The following RIT2 variants were observed in gnomAD, a reference collection of about 807,000 sequenced individuals.
RIT2 encodes GTP-binding protein Rit2.
RIT2 carries 24 observed loss-of-function variants against 23.7 expected under a neutral mutation model. The ratio of observed to expected loss-of-function variants is 1.01; its 90% CI spans 0.73 to 1.43. The LOEUF is 1.43. Ranked by LOEUF, RIT2 falls within the 40% of genes most tolerant of loss-of-function variation. The probability of loss-of-function intolerance (pLI) is 0.00; values close to 1 mark genes in which losing one functional copy is unlikely to be tolerated. For synonymous variants in RIT2, 107 were observed against 91.1 expected (o/e 1.17, Z -0.99); for missense variants, 236 against 266.9 (o/e 0.88, Z 0.81).
chr18:42,800,853 ACT>A (rs1167756035), intron 4 of RIT2, among the ~76,000 whole-genome samples: 1 of 149,646 alleles, frequency 6.7e-6, no homozygotes, highest in Non-Finnish European at 1.5e-5. Context: ...TCTCCTCCAA[ACT>A]CTCTTATGTT....
At chr18:43,054,989 G>A (rs1016278617) in intron 1 of RIT2, among the ~76,000 whole-genome samples, 8 of 151,976 alleles carry the variant, frequency 5.3e-5, no homozygotes, top group East Asian at 1.9e-4. Context: ...GATTCACCTC[G>A]GTTACTGTTA....
At chr18:43,060,911 A>G (rs191297486) in intron 1 of RIT2, among the ~76,000 whole-genome samples, 1 of 152,250 alleles carries the variant, frequency 6.6e-6, no homozygotes, top group Admixed American at 6.5e-5. Context: ...AGTACAGTAG[A>G]GAGCAGATAC....
intron 4 of RIT2, among the ~76,000 whole-genome samples, chr18:42,889,123 T>C (rs1426526822): frequency 6.6e-6 from 1 of 151,668 alleles, no homozygotes; most frequent in African/African-American, 2.4e-5. Context: ...CATTTTAGTA[T>C]AATGGACAAT....
At chr18:42,773,946 G>C (rs963364705) in intron 4 of RIT2, among the ~76,000 whole-genome samples, 1 of 151,998 alleles carries the variant, frequency 6.6e-6, no homozygotes, top group Non-Finnish European at 1.5e-5. Context: ...CATTTACTTG[G>C]TTTTCCTCTA....
chr18:42,910,097 T>C (rs993333179), intron 4 of RIT2, among the ~76,000 whole-genome samples: 1 of 152,050 alleles, frequency 6.6e-6, no homozygotes, highest in Non-Finnish European at 1.5e-5. Context: ...ACAGCTATAA[T>C]GAAAAACATA....
rs540316782 is a variant in RIT2, at chr18:42,962,088, G to A, written c.234+11986C>T. On this transcript the variant is annotated intron_variant, in intron 3 of 4. Coordinates refer to ENST00000326695, the MANE Select transcript of RIT2 (RefSeq NM_002930.4). ...AGAAATGTTTAGGGGTGAAAGCACC[G>A]GTAGCTACGTAAGCAGACTACTACC... is the stretch of plus-strand genomic sequence containing the variant. Among the ~76,000 whole-genome samples the A allele has an allele frequency of 3.1e-4, 47 of 152,218 alleles. No homozygotes were observed. The South Asian group carries it at 5.6e-3, about 18-fold the overall frequency.
At chr18:42,746,820 G>A (rs1912928373) in intron 4 of RIT2, among the ~76,000 whole-genome samples, 1 of 152,030 alleles carries the variant, frequency 6.6e-6, no homozygotes, top group African/African-American at 2.4e-5. Context: ...AATCTCAATA[G>A]ATGCAGAAAA....
chr18:42,979,298 T>G (rs906496552), intron 2 of RIT2, among the ~76,000 whole-genome samples: 1 of 152,012 alleles, frequency 6.6e-6, no homozygotes, highest in Admixed American at 6.6e-5. Context: ...CACCAAAATA[T>G]ATAACTAAGA....
At chr18:42,937,596 A>C (rs1212148903) in intron 3 of RIT2, among the ~76,000 whole-genome samples, 1 of 152,180 alleles carries the variant, frequency 6.6e-6, no homozygotes, top group Non-Finnish European at 1.5e-5. Flanking sequence ...TCTGGAAAGC[A>C]TCAAATGCAA....
chr18:42,827,332 A>C (rs534775255), intron 4 of RIT2, among the ~76,000 whole-genome samples: 4 of 152,318 alleles, frequency 2.6e-5, no homozygotes, highest in African/African-American at 9.6e-5. Flanking sequence ...TGAATCACAT[A>C]AAAAATAAAA....
At chr18:43,055,565 A>C (rs1243367193) in intron 1 of RIT2, among the ~76,000 whole-genome samples, 2 of 152,164 alleles carry the variant, frequency 1.3e-5, no homozygotes, top group East Asian at 1.9e-4. Flanking sequence ...CATTATCCAC[A>C]AAAGGGCGGG....
rs529577839 is a variant in RIT2 at position 42,754,884 on chromosome 18, G to C, written c.427-11164C>G. Among the ~76,000 whole-genome samples the C allele has an allele frequency of 3.9e-5, 6 of 152,276 alleles. No individual in the cohort carries two copies. In the East Asian group the frequency reaches 1.2e-3, roughly 29 times the overall value. ...GAATATTGCCCTCAACTGTATTTTT[G>C]CTATATTGTGGGCTTCGGCAAATGC... On this transcript the variant is annotated intron_variant, in intron 4 of 4. Coordinates refer to ENST00000326695, the MANE Select transcript of RIT2 (RefSeq NM_002930.4).
chr18:42,906,705 T>C (rs1803373949), intron 4 of RIT2, among the ~76,000 whole-genome samples: 1 of 152,248 alleles, frequency 6.6e-6, no homozygotes, highest in South Asian at 2.1e-4. Flanking sequence ...ATGACATACA[T>C]CATTAATTGC....
chr18:43,062,407 A>C (rs1912669420), intron 1 of RIT2, among the ~76,000 whole-genome samples: 1 of 152,180 alleles, frequency 6.6e-6, no homozygotes, highest in Non-Finnish European at 1.5e-5. Context: ...ACACATTCCC[A>C]TACAGTACAG....
intron 1 of RIT2, among the ~76,000 whole-genome samples, chr18:43,062,912 T>C (rs1267231962): frequency 6.6e-6 from 1 of 152,172 alleles, no homozygotes; most frequent in Non-Finnish European, 1.5e-5. Flanking sequence ...GGTGTGTGGC[T>C]ACCAATACAA....
At position 42,766,576 on chromosome 18, in the gene RIT2, G is replaced by A. The variant is rs529736302; in HGVS notation, c.427-22856C>T. 5.3e-5 allele frequency among the ~76,000 whole-genome samples: 8 copies of A among 152,326 alleles called. No individual in the cohort carries two copies. In the South Asian group the frequency reaches 1.7e-3, roughly 32 times the overall value. On this transcript the variant is annotated intron_variant, in intron 4 of 4. Coordinates refer to ENST00000326695, the MANE Select transcript of RIT2 (RefSeq NM_002930.4). ...TTTGGAAAATTAGCAGCCTGACTAT[G>A]CGATAGAAAGAAAACCCCATTTTCT...
At chr18:42,954,325 G>C (rs1001266242) in intron 3 of RIT2, among the ~76,000 whole-genome samples, 6 of 145,338 alleles carry the variant, frequency 4.1e-5, no homozygotes, top group Admixed American at 7.1e-5. Context: ...GCAGTGATCC[G>C]AGACTGCTCC....
intron 4 of RIT2, among the ~76,000 whole-genome samples, chr18:42,900,980 T>A (rs952819997): frequency 5.9e-5 from 9 of 152,024 alleles, no homozygotes; most frequent in African/African-American, 1.4e-4. Flanking sequence ...ATTTGGCTTT[T>A]TTTTTACTGT....
chr18:42,832,738 CTG>C (rs141014252), intron 4 of RIT2, among the ~76,000 whole-genome samples: 3,795 of 152,062 alleles, frequency 0.025, 158 homozygotes, highest in African/African-American at 0.084. Flanking sequence ...AGTCACCCTC[CTG>C]TGTTATCAAA....
Sources: gnomAD v4.1 joint callset for allele counts (sites outside exome capture counted in the v4.1 genomes callset) on GRCh38, gnomAD v4.1.1 for gene constraint, MANE v1.5 for transcripts, NCBI Gene and HGNC (gene_info 2026-07-23, HGNC 2026-07-21) for gene names.